Variants in CDH20 observed in about 807,000 individuals in gnomAD.
The protein encoded by CDH20 is cadherin-20.
In CDH20, 29 loss-of-function variants were observed where a neutral mutation model predicts 74.2. That is an observed-to-expected ratio of 0.39 (90% CI 0.29 to 0.53). The LOEUF is 0.53. Ranked by LOEUF, CDH20 falls within the 20% of genes least tolerant of loss-of-function variation. CDH20 has a pLI of 0.69. For missense variants in CDH20, 988 were observed against 1,048.3 expected (o/e 0.94, Z 0.79); for synonymous variants, 469 against 405.4 (o/e 1.16, Z -1.88).
intron 1 of CDH20, among the ~76,000 whole-genome samples, chr18:61,439,212 T>A (rs560598344): frequency 1.3e-5 from 2 of 152,094 alleles, no homozygotes; most frequent in African/African-American, 2.4e-5. Context: ...ACGCAATATA[T>A]CCCTGTAAGA....
chr18:61,404,439 G>A (rs1326679692), intron 1 of CDH20, among the ~76,000 whole-genome samples: 1 of 152,114 alleles, frequency 6.6e-6, no homozygotes, highest in Non-Finnish European at 1.5e-5. Flanking sequence ...AAAACCCCTA[G>A]GGAAAGTTTT....
chr18:61,462,778 T>C (rs1312911282), intron 1 of CDH20, among the ~76,000 whole-genome samples: 1 of 149,568 alleles, frequency 6.7e-6, no homozygotes, highest in African/African-American at 2.5e-5. Context: ...TAATAAGGGC[T>C]AATAACTCAA....
chr18:61,354,417 GGC>G (rs1168234455), intron 1 of CDH20, among the ~76,000 whole-genome samples: 2 of 152,236 alleles, frequency 1.3e-5, no homozygotes, highest in Admixed American at 6.5e-5. Context: ...AGACCAGCCT[GGC>G]CAACAGAGTG....
chr18:61,442,611 A>C (rs902367668), intron 1 of CDH20, among the ~76,000 whole-genome samples: 1 of 152,328 alleles, frequency 6.6e-6, no homozygotes, highest in South Asian at 2.1e-4. Flanking sequence ...AATGGCATCA[A>C]AAAGACTCTA....
chr18:61,465,871 A>C (rs556042604), intron 1 of CDH20, among the ~76,000 whole-genome samples: 31 of 152,100 alleles, frequency 2.0e-4, no homozygotes, highest in African/African-American at 7.2e-4. Flanking sequence ...CGACCTGGGC[A>C]ACCTGGAGGA....
chr18:61,383,132 C>T (rs894979970), intron 1 of CDH20, among the ~76,000 whole-genome samples: 4 of 152,144 alleles, frequency 2.6e-5, no homozygotes, highest in African/African-American at 4.8e-5. Context: ...GGACCCATAA[C>T]GAATGACCAC....
chr18:61,342,828 T>C (rs994038001), intron 1 of CDH20, among the ~76,000 whole-genome samples: 11 of 152,226 alleles, frequency 7.2e-5, no homozygotes, highest in African/African-American at 2.4e-4. Context: ...CCACATTATA[T>C]ATGATTTGTA....
At chr18:61,425,040 CCT>C (rs10535853) in intron 1 of CDH20, among the ~76,000 whole-genome samples, 11,367 of 134,482 alleles carry the variant, frequency 0.085, 550 homozygotes, top group African/African-American at 0.14. Flanking sequence ...CTTCCCCGCT[CCT>C]CTCTCTCTCT....
intron 1 of CDH20, among the ~76,000 whole-genome samples, chr18:61,487,803 G>C (rs915059517): frequency 5.9e-5 from 9 of 152,096 alleles, no homozygotes; most frequent in African/African-American, 2.2e-4. Flanking sequence ...TAGGGGGATA[G>C]GGGGTTTTAA....
At chr18:61,451,367 C>A (rs759513868) in intron 1 of CDH20, among the ~76,000 whole-genome samples, 10 of 151,840 alleles carry the variant, frequency 6.6e-5, no homozygotes, top group Non-Finnish European at 5.9e-5. Context: ...TATAGTAGTT[C>A]CTAATTATTT....
At chr18:61,428,470 C>T (rs1913147091) in intron 1 of CDH20, among the ~76,000 whole-genome samples, 1 of 152,164 alleles carries the variant, frequency 6.6e-6, no homozygotes, top group African/African-American at 2.4e-5. Context: ...AAAGCGGTAG[C>T]ACAGCCACAG....
Position 61,555,489 on chromosome 18 carries a change from T to C in CDH20, c.*794T>C. ...TTTTGCACTGTAGATGTCTCTTCCA[T>C]GTGCCAAATGTGGAGATTAGATGCT... On this transcript the variant is annotated 3_prime_UTR_variant, in exon 12 of 12. Transcript: ENST00000262717. 1.0e-6 allele frequency: 1 copy of C among 985,432 alleles called. No homozygotes were observed. The highest frequency in any genetic ancestry group is 1.2e-6 in the Non-Finnish European group (1 of 829,918). The allele number at this position is 985,432 out of a possible 1,614,324, so 61.0% of individuals were successfully genotyped here. A position where few individuals can be genotyped will look rare whatever the true frequency, so the allele number is the denominator to read the frequency against.
intron 6 of CDH20, among the ~76,000 whole-genome samples, chr18:61,523,605 A>G (rs1297275546): frequency 6.6e-6 from 1 of 152,232 alleles, no homozygotes; most frequent in East Asian, 1.9e-4. Context: ...TTCTACTATA[A>G]AGACACATGC....
chr18:61,500,334 G>T (rs1295572841), intron 3 of CDH20, 49 bp from the exon 4 acceptor site: 4 of 1,586,542 alleles, frequency 2.5e-6, no homozygotes, highest in South Asian at 1.2e-5. Context: ...ATTGCATCCA[G>T]CCTTTAGCTA....
intron 1 of CDH20, among the ~76,000 whole-genome samples, chr18:61,404,522 G>A (rs1912260828): frequency 6.6e-6 from 1 of 152,038 alleles, no homozygotes; most frequent in South Asian, 2.1e-4. Flanking sequence ...AGGGAGCAAT[G>A]AAATTCTACA....
At chr18:61,367,002 A>G (rs1910883940) in intron 1 of CDH20, among the ~76,000 whole-genome samples, 1 of 152,170 alleles carries the variant, frequency 6.6e-6, no homozygotes, top group Non-Finnish European at 1.5e-5. Flanking sequence ...TATGACTTAG[A>G]GGTGCATCTG....
chr18:61,520,821 C>A (rs1048643795), intron 6 of CDH20, among the ~76,000 whole-genome samples: 16 of 151,178 alleles, frequency 1.1e-4, no homozygotes, highest in Non-Finnish European at 1.8e-4. Context: ...AACTAAATAA[C>A]CTGCTCCTGA....
chr18:61,465,599 A>G (rs200516311), intron 1 of CDH20, among the ~76,000 whole-genome samples: 679 of 35,180 alleles, frequency 0.019, 2 homozygotes, highest in South Asian at 0.14. Flanking sequence ...TTACATGGGG[A>G]AAAAAAAAAA....
chr18:61,403,799 T>C (rs1912234208), intron 1 of CDH20, among the ~76,000 whole-genome samples: 1 of 152,172 alleles, frequency 6.6e-6, no homozygotes. Flanking sequence ...ATTACAAAGA[T>C]ACAAGCGCAC....
Sources: gnomAD v4.1 joint callset for allele counts (sites outside exome capture counted in the v4.1 genomes callset) on GRCh38, gnomAD v4.1.1 for gene constraint, MANE v1.5 for transcripts, NCBI Gene and HGNC (gene_info 2026-07-23, HGNC 2026-07-21) for gene names.